Variants in KDM1A observed in about 807,000 individuals in gnomAD.
KDM1A encodes the protein lysine demethylase 1A, also known as lysine-specific histone demethylase 1A.
In KDM1A, 49 loss-of-function variants were observed where a neutral mutation model predicts 109.4. The ratio of observed to expected loss-of-function variants is 0.45; its 90% CI spans 0.36 to 0.57. The LOEUF (loss-of-function observed/expected upper bound fraction) is 0.57. Ranked by LOEUF, KDM1A falls within the 20% of genes least tolerant of loss-of-function variation. KDM1A has a pLI of 0.00. For synonymous variants in KDM1A, 380 were observed against 415.4 expected (o/e 0.91, Z 1.04); for missense variants, 668 against 1,116.6 (o/e 0.60, Z 5.73).
At chr1:23,049,780 T>G (rs913762812) in intron 3 of KDM1A, among the ~76,000 whole-genome samples, 2 of 152,168 alleles carry the variant, frequency 1.3e-5, no homozygotes, top group Non-Finnish European at 2.9e-5. Flanking sequence ...CATAGTAATA[T>G]TAGTAGTATA....
rs1199472357 is a variant in KDM1A, at chr1:23,073,296, G to A, written c.1627G>A (p.Val543Ile). The A allele has an allele frequency of 6.5e-7, 1 of 1,547,978 alleles. No homozygotes were observed. The highest frequency in any genetic ancestry group is 8.9e-7 in the Non-Finnish European group (1 of 1,120,886). The change falls in exon 15 of 21, where the codon GTA becomes ATA. Residue 543 changes from valine to isoleucine, a missense_variant. Transcript: ENST00000400181. Reference protein sequence around the residue: ...QELEANPPSDVYLSSRDRQIL... With the variant: ...QELEANPPSDIYLSSRDRQIL... Reference sequence around the variant, plus strand: ...TAGTCCTTTGTTCTTTTGCAGTGATGTATATCTCTCATCAAGAGACAGACA... The same window carrying A: ...TAGTCCTTTGTTCTTTTGCAGTGATATATATCTCTCATCAAGAGACAGACA...
Position 23,053,963 on chromosome 1 carries a change from G to T in KDM1A, c.790+124G>T. 4.7e-6 allele frequency: 3 copies of T among 637,914 alleles called. No homozygotes were observed. The South Asian group carries it at 5.7e-5, about 12-fold the overall frequency. The allele number at this position is 637,914 out of a possible 1,614,324, so 39.5% of individuals were successfully genotyped here. ...TCATATTTCCATGTTATTTCACCTTGTGCTGTGCAAAAATAAGTCTTATAG... is the reference window on the plus strand; with the variant it reads ...TCATATTTCCATGTTATTTCACCTTTTGCTGTGCAAAAATAAGTCTTATAG... On this transcript the variant is annotated intron_variant, in intron 5 of 20. Transcript: ENST00000400181.
At chr1:23,040,319 G>C (rs530300686) in intron 2 of KDM1A, among the ~76,000 whole-genome samples, 1 of 152,328 alleles carries the variant, frequency 6.6e-6, no homozygotes, top group South Asian at 2.1e-4. Flanking sequence ...GTGATCTCTT[G>C]AGTATTTGAA....
At chr1:23,041,900 A>G (rs1332798369) in intron 2 of KDM1A, among the ~76,000 whole-genome samples, 4 of 152,198 alleles carry the variant, frequency 2.6e-5, no homozygotes, top group African/African-American at 9.7e-5. Flanking sequence ...CAGAAGACAA[A>G]AAAGACTGCC....
chr1:23,082,057 A>C (rs529911814), intron 19 of KDM1A, 163 bp from the exon 20 acceptor site: 45 of 644,114 alleles, frequency 7.0e-5, no homozygotes, highest in African/African-American at 6.6e-4. Context: ...CCTTTTGTCC[A>C]TGTGTGTTTT....
At chr1:23,062,731 C>A (rs546660380) in intron 9 of KDM1A, among the ~76,000 whole-genome samples, 1 of 152,058 alleles carries the variant, frequency 6.6e-6, no homozygotes, top group Non-Finnish European at 1.5e-5. Context: ...TGACAAGGGA[C>A]GTTTATTTTA....
intron 12 of KDM1A, among the ~76,000 whole-genome samples, chr1:23,069,951 T>G (rs1643270527): frequency 6.6e-6 from 1 of 152,264 alleles, no homozygotes; most frequent in South Asian, 2.1e-4. Flanking sequence ...TGCCTGTGAC[T>G]GGACTCTTGC....
intron 10 of KDM1A, among the ~76,000 whole-genome samples, chr1:23,067,217 T>G (rs923702476): frequency 4.6e-5 from 7 of 152,234 alleles, no homozygotes; most frequent in Non-Finnish European, 8.8e-5. Flanking sequence ...CCCTCCCATG[T>G]ATAGTCTTTG....
intron 7 of KDM1A, 123 bp from the exon 8 acceptor site, chr1:23,057,361 C>A: frequency 1.4e-6 from 1 of 700,036 alleles, no homozygotes; most frequent in Non-Finnish European, 2.5e-6. Context: ...CTGTTGATTG[C>A]ATTCCATGTA....
chr1:23,022,496 C>G (rs544511870), intron 1 of KDM1A, among the ~76,000 whole-genome samples: 1 of 151,254 alleles, frequency 6.6e-6, no homozygotes, highest in Non-Finnish European at 1.5e-5. Flanking sequence ...CCACCATGCC[C>G]GGCTAACTTT....
rs769809235 is a variant in KDM1A at position 23,071,375 on chromosome 1, A to G, written c.1548+16A>G. The G allele has an allele frequency of 1.3e-5, 20 of 1,575,850 alleles. No homozygotes were observed. Among genetic ancestry groups the G allele is most frequent in the Non-Finnish European group, 1.5e-5 (18 of 1,168,158 alleles). The stretch of plus-strand genomic sequence containing the variant: ...CCTATGCAAGGTGTGGTATACATAC[A>G]TGCCTAACTGGTTTTACTTGGAATC... On this transcript the variant is annotated intron_variant, in intron 13 of 20. Coordinates refer to ENST00000400181, the MANE Select transcript of KDM1A (RefSeq NM_001009999.3).
At chr1:23,059,323 TTTC>T in intron 9 of KDM1A, 156 bp downstream of exon 9, 1 of 720,916 alleles carries the variant, frequency 1.4e-6, no homozygotes, top group East Asian at 2.6e-5. Context: ...ATTCTGGTTG[TTTC>T]TTAACTCTTG....
Position 23,071,506 on chromosome 1 carries a change from G to T in KDM1A, c.1548+147G>T. 1.0e-5 allele frequency: 7 copies of T among 667,268 alleles called. No individual in the cohort carries two copies. In the South Asian group the frequency reaches 1.5e-4, roughly 14 times the overall value. 41.3% of individuals were successfully genotyped at this position (667,268 alleles called of 1,614,324 possible). A position where few individuals can be genotyped will look rare whatever the true frequency, so the allele number is the denominator to read the frequency against. ...GATTTGGTACATAAGGAGCCATGGG[G>T]ATTTAATGGGTTAGTTCGGTTTAAG... On this transcript the variant is annotated intron_variant, in intron 13 of 20. Coordinates refer to ENST00000400181, the MANE Select transcript of KDM1A (RefSeq NM_001009999.3).
At chr1:23,036,617 A>G (rs925844300) in intron 2 of KDM1A, among the ~76,000 whole-genome samples, 4 of 152,196 alleles carry the variant, frequency 2.6e-5, no homozygotes, top group Admixed American at 2.6e-4. Context: ...GGCATTATGA[A>G]TGGATCAAGA....
At chr1:23,024,627 T>C (rs1641740008) in intron 1 of KDM1A, among the ~76,000 whole-genome samples, 1 of 152,218 alleles carries the variant, frequency 6.6e-6, no homozygotes. Context: ...TATGGCAAAA[T>C]ATTTAAGGTT....
intron 2 of KDM1A, among the ~76,000 whole-genome samples, chr1:23,043,220 G>T (rs769889882): frequency 6.6e-6 from 1 of 152,168 alleles, no homozygotes; most frequent in Non-Finnish European, 1.5e-5. Context: ...TCCAAGGGCT[G>T]TAAATAGGTA....
At position 23,056,615 on chromosome 1, in the gene KDM1A, A is replaced by T. The variant is rs909642303; in HGVS notation, c.990+577A>T. ...AATGGCTTTGAACTGCTAATTTTTT[A>T]AAAGAGTATGGGGAAATTGAAATTA... On this transcript the variant is annotated intron_variant, in intron 7 of 20. Transcript: ENST00000400181. Among the ~76,000 whole-genome samples the T allele has an allele frequency of 7.2e-5, 11 of 152,222 alleles. No individual in the cohort carries two copies. The South Asian group carries it at 2.3e-3, about 32-fold the overall frequency.
At chr1:23,071,429 T>G (rs1039952580) in intron 13 of KDM1A, 70 bp downstream of exon 13, 1 of 1,472,390 alleles carries the variant, frequency 6.8e-7, no homozygotes, top group African/African-American at 1.4e-5. Flanking sequence ...CTGGGGAATT[T>G]TGGAAAAGAG....
intron 2 of KDM1A, among the ~76,000 whole-genome samples, chr1:23,041,899 A>G (rs1307475554): frequency 6.6e-6 from 1 of 152,178 alleles, no homozygotes; most frequent in African/African-American, 2.4e-5. Context: ...CCAGAAGACA[A>G]AAAAGACTGC....
Sources: allele counts gnomAD v4.1 joint callset (sites outside exome capture counted in the v4.1 genomes callset), GRCh38; gene constraint gnomAD v4.1.1; transcripts MANE v1.5; gene names NCBI Gene and HGNC (gene_info 2026-07-23, HGNC 2026-07-21).